The following PREX1 variants were observed in gnomAD, a reference collection of about 807,000 sequenced individuals.
PREX1 encodes the protein phosphatidylinositol-3,4,5-trisphosphate dependent Rac exchange factor 1.
A neutral mutation model predicts 198.3 loss-of-function variants in PREX1; 41 were observed. The observed-to-expected ratio is 0.21, with a 90% CI of 0.16 to 0.27. The LOEUF is 0.27. PREX1 is among the 10% of genes least tolerant of loss of function. The pLI, the probability that PREX1 is intolerant of heterozygous loss-of-function variation, is 1.00. For missense variants in PREX1, 1,620 were observed against 2,200.7 expected, an observed-to-expected ratio of 0.74 and a Z score of 5.28; for synonymous variants, 843 against 887.2, an observed-to-expected ratio of 0.95 and a Z score of 0.89.
chr20:48,634,910 C>T (rs2089350571), intron 32 of PREX1, 135 bp from the exon 33 acceptor site: 4 of 678,942 alleles, frequency 5.9e-6, no homozygotes, highest in East Asian at 2.7e-5. Flanking sequence ...GAGCGTGACT[C>T]TCCAGAGTGG....
rs2089970642 is a variant in PREX1 at position 48,718,191 on chromosome 20, A to C, written c.621+8099T>G. On this transcript the variant is annotated intron_variant, in intron 5 of 39. Transcript: ENST00000371941. ...GACCCTCCAGGCTCTGACATTCAGG[A>C]GCTCTATATCCAGCCTTTCAAAGAG... Among the ~76,000 whole-genome samples, 5 of 152,278 alleles carry C rather than the reference A, an allele frequency of 3.3e-5. 1 individual carries two copies. In the South Asian group the frequency reaches 1.0e-3, roughly 32 times the overall value.
chr20:48,884,829 C>T, the PREX1 span, among the ~76,000 whole-genome samples: 1 of 152,030 alleles, frequency 6.6e-6, no homozygotes, highest in Non-Finnish European at 1.5e-5. Context: ...ACAAATAAAC[C>T]GGCAGGGCAC....
intron 9 of PREX1, among the ~76,000 whole-genome samples, chr20:48,689,372 A>G (rs2089804688): frequency 6.6e-6 from 1 of 152,248 alleles, no homozygotes; most frequent in Non-Finnish European, 1.5e-5. Context: ...ATAAGGTGCC[A>G]TAATTATCCC....
rs1029720380 is a variant in PREX1, at chr20:48,666,595, G to A, written c.1666-240C>T. Among the ~76,000 whole-genome samples the A allele has an allele frequency of 3.3e-5, 5 of 152,052 alleles. No homozygotes were observed. Among genetic ancestry groups the A allele is most frequent in the South Asian group, 4.2e-4 (2 of 4,814 alleles). ...GGCTGGAGTGCAGTGGCACGATCTC[G>A]GCTTACTGCAAGCTCCACCTCCTGG... is the stretch of plus-strand genomic sequence containing the variant. On this transcript the variant is annotated intron_variant, in intron 14 of 39. Transcript: ENST00000371941. This position sits in a 1 kb window ranked among gnomAD's most constrained non-coding sequence, Gnocchi z 4.3.
intron 1 of PREX1, among the ~76,000 whole-genome samples, chr20:48,808,790 C>T (rs192695387): frequency 8.9e-4 from 135 of 152,328 alleles, no homozygotes; most frequent in African/African-American, 3.0e-3. Context: ...TTCCGGCCTC[C>T]GTGTGGATCC....
At chr20:48,636,366 G>C (rs2089363162) in intron 32 of PREX1, 97 bp downstream of exon 32, 1 of 1,262,028 alleles carries the variant, frequency 7.9e-7, no homozygotes, top group Non-Finnish European at 1.1e-6. Flanking sequence ...CGAGGCCAGG[G>C]GGAGCCTGAG....
At chr20:48,761,963 A>G (rs2090182453) in intron 1 of PREX1, among the ~76,000 whole-genome samples, 1 of 152,198 alleles carries the variant, frequency 6.6e-6, no homozygotes, top group Non-Finnish European at 1.5e-5. Flanking sequence ...GAGCAGAGTG[A>G]TAGCCATCAC....
chr20:48,752,376 T>C (rs1024381656), intron 1 of PREX1, among the ~76,000 whole-genome samples: 20 of 152,354 alleles, frequency 1.3e-4, no homozygotes, highest in African/African-American at 4.8e-4. Flanking sequence ...CTCAACATCA[T>C]GTCTTCCACA....
At chr20:48,788,678 C>T (rs2090323935) in intron 1 of PREX1, among the ~76,000 whole-genome samples, 1 of 152,172 alleles carries the variant, frequency 6.6e-6, no homozygotes, top group African/African-American at 2.4e-5. Flanking sequence ...TGAAGGCATC[C>T]CCCACATTTC....
chr20:48,770,025 C>T (rs1462907368), intron 1 of PREX1, among the ~76,000 whole-genome samples: 4 of 152,202 alleles, frequency 2.6e-5, no homozygotes, highest in African/African-American at 9.6e-5. Context: ...TGAGGTTTAT[C>T]ACGGAATGGA....
intron 27 of PREX1, 127 bp downstream of exon 27, chr20:48,644,282 G>A: frequency 1.3e-6 from 1 of 799,852 alleles, no homozygotes; most frequent in Non-Finnish European, 2.0e-6. Context: ...AGGAAATCAA[G>A]TACAGGACCA....
the PREX1 span, among the ~76,000 whole-genome samples, chr20:48,861,514 G>T: frequency 6.6e-6 from 1 of 152,196 alleles, no homozygotes; most frequent in East Asian, 1.9e-4. Flanking sequence ...GTGCTCCTCA[G>T]TTCCACCCCT....
intron 5 of PREX1, among the ~76,000 whole-genome samples, chr20:48,718,876 A>C (rs2089973706): frequency 6.6e-6 from 1 of 152,274 alleles, no homozygotes; most frequent in African/African-American, 2.4e-5. Flanking sequence ...AAACTGAGGC[A>C]CACAGAGTTT....
upstream of PREX1, among the ~76,000 whole-genome samples, chr20:48,830,211 T>A (rs113807579): frequency 8.0e-3 from 1,214 of 152,158 alleles, 20 homozygotes; most frequent in African/African-American, 0.028. Flanking sequence ...AAAAAAATTT[T>A]AAAAATTAGC....
At chr20:48,651,235 G>A (rs144947170) in intron 22 of PREX1, among the ~76,000 whole-genome samples, 161 bp downstream of exon 22, 60 of 152,368 alleles carry the variant, frequency 3.9e-4, no homozygotes, top group African/African-American at 1.4e-3. Flanking sequence ...ACAGTCCCAC[G>A]CTACCTAGTG....
intron 10 of PREX1, among the ~76,000 whole-genome samples, chr20:48,682,710 G>A (rs770466122): frequency 6.6e-6 from 1 of 152,156 alleles, no homozygotes; most frequent in Non-Finnish European, 1.5e-5. Flanking sequence ...GGGGCCCCAG[G>A]TCCTAGTTCT....
the PREX1 span, among the ~76,000 whole-genome samples, chr20:48,834,976 C>T: frequency 1.3e-5 from 2 of 151,988 alleles, no homozygotes; most frequent in African/African-American, 4.8e-5. Context: ...AGGCTGGTCT[C>T]GAACTCCTGA....
chr20:48,652,998 A>G (rs960554637), intron 20 of PREX1, among the ~76,000 whole-genome samples: 22 of 152,274 alleles, frequency 1.4e-4, no homozygotes, highest in African/African-American at 5.1e-4. Context: ...CCAGTGAATC[A>G]ATCAATGAGG....
chr20:48,881,068 A>T, the PREX1 span, among the ~76,000 whole-genome samples: 1 of 151,086 alleles, frequency 6.6e-6, no homozygotes, highest in Non-Finnish European at 1.5e-5. Flanking sequence ...TTTGTGAGGA[A>T]GACATGGGAC....
Sources: gnomAD v4.1 joint callset for allele counts (sites outside exome capture counted in the v4.1 genomes callset) on GRCh38, gnomAD v4.1.1 for gene constraint, Gnocchi (gnomAD v3.1) non-coding constraint, MANE v1.5 for transcripts, NCBI Gene and HGNC (gene_info 2026-07-23, HGNC 2026-07-21) for gene names.